Variants in PLOD3 observed in about 807,000 individuals in gnomAD.
PLOD3 encodes the protein multifunctional procollagen lysine hydroxylase and glycosyltransferase LH3.
Under a neutral mutation model 96.9 loss-of-function variants are expected in PLOD3, and 73 were observed. That is an observed-to-expected ratio of 0.75 (90% CI 0.62 to 0.92). The LOEUF is 0.92. Ranked by LOEUF, PLOD3 falls within the 40% of genes least tolerant of loss-of-function variation. PLOD3 has a pLI of 0.00. For synonymous variants in PLOD3, 454 were observed against 413.7 expected (o/e 1.10, Z -1.18); for missense variants, 1,004 against 1,004.3 (o/e 1.00, Z 0.00).
chr7:101,216,195 A>G lies in PLOD3; in HGVS notation c.470T>C (p.Val157Ala). 6.2e-7 allele frequency: 1 copy of G among 1,613,752 alleles called. No individual in the cohort carries two copies. The highest frequency in any genetic ancestry group is 8.5e-7 in the Non-Finnish European group (1 of 1,179,958). The change falls in exon 4 of 19, where the codon GTG becomes GCG. Residue 157 changes from valine to alanine, a missense_variant. Val to Ala is a moderately conservative substitution (Grantham distance 64). Around this residue, in one of 5 missense-constraint regions of PLOD3, gnomAD observed 690 missense variants for 650.2 expected, o/e 1.06. Coordinates refer to ENST00000223127, the MANE Select transcript of PLOD3 (RefSeq NM_001084.5). The part of the protein sequence containing the change: ...EWGLAEQYPE[V>A]GTGKRFLNSG... ...ATTGAGGAAGCGCTTCCCCGTGCCC[A>G]CCTCAGGGTACTGCTCCGCCAGCCC...
At position 101,211,856 on chromosome 7, in the gene PLOD3, C is replaced by T. The variant is rs1798186991; in HGVS notation, c.1222G>A (p.Glu408Lys). The T allele has an allele frequency of 1.2e-6, 2 of 1,611,950 alleles. No homozygotes were observed. Among genetic ancestry groups the T allele is most frequent in the Non-Finnish European group, 1.7e-6 (2 of 1,178,908 alleles). ...TNLQTLRILI[E>K]ENRKVIAPML... ...GAGGGGGTAAGCCACCTGTTCTCCTCAATGAGGATACGCAGGGTCTGCAGG... is the reference window on the plus strand; with the variant it reads ...GAGGGGGTAAGCCACCTGTTCTCCTTAATGAGGATACGCAGGGTCTGCAGG... Residue 408 changes from glutamate to lysine, a missense_variant, in exon 11 of 19, where the codon GAG becomes AAG. This residue lies in a region of PLOD3 where 690 missense variants were observed against 650.2 expected (regional missense o/e 1.06). Coordinates refer to ENST00000223127, the MANE Select transcript of PLOD3 (RefSeq NM_001084.5).
Position 101,208,966 on chromosome 7 carries a change from G to A in PLOD3, c.1684-9C>T. On this transcript the variant is annotated splice_polypyrimidine_tract_variant and intron_variant, in intron 15 of 18. Coordinates refer to ENST00000223127, the MANE Select transcript of PLOD3 (RefSeq NM_001084.5). ...TACACGTCCGGGCATGGCTGAGGAT[G>A]GGGCGAGGGAGAACAGGGCTAGCTG... 6.3e-7 allele frequency: 1 copy of A among 1,596,712 alleles called. No individual in the cohort carries two copies. The highest frequency in any genetic ancestry group is 1.1e-5 in the South Asian group (1 of 90,764).
intron 1 of PLOD3, 88 bp from the exon 2 acceptor site, chr7:101,216,874 C>T (rs1403422625): frequency 5.6e-6 from 5 of 900,246 alleles, no homozygotes; most frequent in Non-Finnish European, 9.0e-6. Flanking sequence ...CTCGACTTCC[C>T]TCCCTTTCTT....
At chr7:101,206,535 G>A (rs534938049) in intron 18 of PLOD3, 99 bp from the exon 19 acceptor site, 46 of 1,155,456 alleles carry the variant, frequency 4.0e-5, no homozygotes, top group Non-Finnish European at 5.5e-5. Context: ...GGGGCACGGT[G>A]CAGCAGACCG....
rs966265227 is a variant in PLOD3, at chr7:101,213,232, AC to A, written c.680-29del. 3 of 1,459,084 alleles carry A rather than the reference AC, an allele frequency of 2.1e-6. No individual in the cohort carries two copies. In the African/African-American group the frequency reaches 4.2e-5, roughly 20 times the overall value. 90.4% of individuals were successfully genotyped at this position (1,459,084 alleles called of 1,614,324 possible). On this transcript the variant is annotated intron_variant, in intron 6 of 18. Coordinates refer to ENST00000223127, the MANE Select transcript of PLOD3 (RefSeq NM_001084.5). ...GGGGAAGAAAAAGGCCAGGCTTCAG[AC>A]CCCCTTTCTCTGGGAGCTACCAAGC...
Position 101,215,982 on chromosome 7 carries a change from G to A in PLOD3, c.541C>T (p.Arg181Cys), listed in dbSNP as rs761949569. The change falls in exon 5 of 19, where the codon CGC becomes TGC. Residue 181 changes from arginine to cysteine, a missense_variant. Arg to Cys is a radical substitution (Grantham distance 180). Around this residue, in one of 5 missense-constraint regions of PLOD3, gnomAD observed 690 missense variants for 650.2 expected, o/e 1.06. Transcript: ENST00000223127. ...GFATTIHQIV[R>C]QWKYKDDDDD... ...TCATCATCCTTGTACTTCCACTGGC[G>A]CACGATTTGGTGGATGGTGGTGGCA... is the stretch of plus-strand genomic sequence containing the variant. 21 of 1,613,926 alleles carry A rather than the reference G, an allele frequency of 1.3e-5. No individual in the cohort carries two copies. The highest frequency in any genetic ancestry group is 1.2e-4 in the South Asian group (11 of 91,086).
At chr7:101,207,463 A>C in intron 17 of PLOD3, 115 bp downstream of exon 17, 3 of 1,103,456 alleles carry the variant, frequency 2.7e-6, no homozygotes, top group Non-Finnish European at 4.0e-6. Flanking sequence ...TCCCCTGGGA[A>C]CTAAAATGCA....
In PLOD3 at chr7:101,212,693, C is replaced by T. The variant is rs765344285; in HGVS notation, c.880-38G>A. On this transcript the variant is annotated intron_variant, in intron 8 of 18. Coordinates refer to ENST00000223127, the MANE Select transcript of PLOD3 (RefSeq NM_001084.5). The stretch of plus-strand genomic sequence containing the variant: ...ACACGCAGGGACTCAGAGAGAAGCC[C>T]GGACTTCCCTGCTGCCCCCACCCAA... 29 of 1,611,808 alleles carry T rather than the reference C, an allele frequency of 1.8e-5. No homozygotes were observed. In the South Asian group the frequency reaches 2.6e-4, roughly 15 times the overall value.
chr7:101,212,045 G>A, intron 10 of PLOD3, 95 bp from the exon 11 acceptor site: 1 of 1,035,910 alleles, frequency 9.7e-7, no homozygotes, highest in African/African-American at 1.6e-5. Flanking sequence ...GAGGGAGGCA[G>A]TGTCTATCCT....
intron 5 of PLOD3, 78 bp downstream of exon 5, chr7:101,215,830 G>A: frequency 1.0e-6 from 1 of 1,001,518 alleles, no homozygotes. Context: ...AACCCCCTTT[G>A]CTCCCCAAAT....
intron 12 of PLOD3, 120 bp from the exon 13 acceptor site, chr7:101,210,793 G>A (rs2116801071): frequency 8.9e-7 from 1 of 1,126,030 alleles, no homozygotes; most frequent in Non-Finnish European, 1.3e-6. Context: ...GCCCCTGCAT[G>A]TCCCTTGTCA....
chr7:101,213,450 G>A (rs1798219639), intron 6 of PLOD3: 7 of 569,592 alleles, frequency 1.2e-5, no homozygotes, highest in East Asian at 3.0e-5. Context: ...TGAGCTGAGC[G>A]GGAGGCCAGT....
intron 15 of PLOD3, among the ~76,000 whole-genome samples, 196 bp from the exon 16 acceptor site, chr7:101,209,153 C>T (rs1156916605): frequency 2.6e-5 from 4 of 151,598 alleles, no homozygotes; most frequent in Non-Finnish European, 5.9e-5. Context: ...GGCAGAGGGT[C>T]CTGGAGCCCC....
At chr7:101,215,818 G>A in intron 5 of PLOD3, 90 bp downstream of exon 5, 2 of 909,294 alleles carry the variant, frequency 2.2e-6, no homozygotes, top group Non-Finnish European at 3.6e-6. Flanking sequence ...TTTTCTCTTT[G>A]CAACCCCCTT....
chr7:101,217,064 C>G (rs957217076), intron 1 of PLOD3, 102 bp downstream of exon 1: 1 of 1,247,692 alleles, frequency 8.0e-7, no homozygotes, highest in African/African-American at 1.5e-5. Flanking sequence ...GGGCGGGGGA[C>G]GGGCCAGACA....
intron 1 of PLOD3, 176 bp downstream of exon 1, chr7:101,216,990 G>C: frequency 1.2e-6 from 1 of 817,900 alleles, no homozygotes; most frequent in African/African-American, 1.7e-5. Flanking sequence ...AGGGAGGCTG[G>C]AAACCCCAGT....
intron 12 of PLOD3, 111 bp from the exon 13 acceptor site, chr7:101,210,784 C>T: frequency 8.4e-7 from 1 of 1,195,768 alleles, no homozygotes; most frequent in Non-Finnish European, 1.2e-6. Flanking sequence ...GAACATAAGG[C>T]CCCTGCATGT....
rs752442708 is a variant in PLOD3 at position 101,213,208 on chromosome 7, G to C, written c.680-4C>G. 6.2e-6 allele frequency: 10 copies of C among 1,606,272 alleles called. No homozygotes were observed. Among genetic ancestry groups the C allele is most frequent in the Middle Eastern group, 1.6e-4 (1 of 6,072 alleles). ...TCAAACTTTAAAACCACTTCATCTG[G>C]GGAAGAAAAAGGCCAGGCTTCAGAC... On this transcript the variant is annotated splice_polypyrimidine_tract_variant and splice_region_variant and intron_variant, in intron 6 of 18. Transcript: ENST00000223127.
chr7:101,212,516 C>G lies in PLOD3; in HGVS notation c.1005+14G>C, dbSNP rs1328447960. On this transcript the variant is annotated intron_variant, in intron 9 of 18. Transcript: ENST00000223127. ...AAGGGTCCCTCAGGAGAGGCTCCAA[C>G]AGGGGAGTCTCACGTTGTTGTGCAG... The G allele has an allele frequency of 3.1e-6, 5 of 1,612,968 alleles. No individual in the cohort carries two copies. The South Asian group carries it at 5.5e-5, about 18-fold the overall frequency.
Sources: allele counts gnomAD v4.1 joint callset (sites outside exome capture counted in the v4.1 genomes callset), GRCh38; gene constraint gnomAD v4.1.1; regional missense constraint gnomAD v4.1.1; transcripts MANE v1.5; gene names NCBI Gene and HGNC (gene_info 2026-07-23, HGNC 2026-07-21).